Variants in LINGO2 observed in about 807,000 individuals in gnomAD.
LINGO2 encodes leucine-rich repeat and immunoglobulin-like domain-containing nogo receptor-interacting protein 2.
LINGO2 carries 14 observed loss-of-function variants against 30.6 expected under a neutral mutation model. The observed-to-expected ratio is 0.46, with a 90% CI of 0.30 to 0.72. LINGO2 has a LOEUF of 0.72. Ranked by LOEUF, LINGO2 falls within the 30% of genes least tolerant of loss-of-function variation. LINGO2 has a pLI of 0.07. For missense variants in LINGO2, 729 were observed against 751.7 expected (o/e 0.97, Z 0.35); for synonymous variants, 317 against 288.5 (o/e 1.10, Z -1.00).
At chr9:28,104,026 C>A (rs1826495714) in intron 4 of LINGO2, among the ~76,000 whole-genome samples, 1 of 151,838 alleles carries the variant, frequency 6.6e-6, no homozygotes, top group South Asian at 2.1e-4. Context: ...CCTCTTTTTT[C>A]TATTACCTAT....
chr9:28,633,326 C>T (rs1827091345), intron 1 of LINGO2, among the ~76,000 whole-genome samples: 2 of 151,974 alleles, frequency 1.3e-5, no homozygotes, highest in South Asian at 2.1e-4. Context: ...GAGAAGCTGC[C>T]TTTATTCCAG....
At chr9:28,800,326 A>G in the LINGO2 span, among the ~76,000 whole-genome samples, 1 of 152,098 alleles carries the variant, frequency 6.6e-6, no homozygotes, top group African/African-American at 2.4e-5. Context: ...ATGGCCTACC[A>G]GAAATCACCA....
chr9:28,977,374 T>C, the LINGO2 span, among the ~76,000 whole-genome samples: 6 of 152,278 alleles, frequency 3.9e-5, no homozygotes, highest in South Asian at 1.2e-3. Flanking sequence ...TATTGCTTCA[T>C]AATCCATAGG....
Position 28,235,387 on chromosome 9 carries a change from G to A in LINGO2, c.-87+59821C>T, listed in dbSNP as rs183046639. On this transcript the variant is annotated intron_variant, in intron 4 of 5. Transcript: ENST00000379992. ...GGAAGGACATATGCAAACAAGCCCA[G>A]ACTATAAAGACTATAGTAAATACCT... is the stretch of plus-strand genomic sequence containing the variant. 6.6e-5 allele frequency among the ~76,000 whole-genome samples: 10 copies of A among 152,218 alleles called. No individual in the cohort carries two copies. In the East Asian group the frequency reaches 1.4e-3, roughly 21 times the overall value.
chr9:28,368,594 CTT>C (rs60310040), intron 3 of LINGO2, among the ~76,000 whole-genome samples: 31,832 of 123,198 alleles, frequency 0.26, 2,775 homozygotes, highest in African/African-American at 0.3. Context: ...CTTTTCTTTT[CTT>C]TTTTTTTTTT....
chr9:28,249,693 C>T (rs67112157), intron 4 of LINGO2, among the ~76,000 whole-genome samples: 18,717 of 152,028 alleles, frequency 0.12, 1,503 homozygotes, highest in South Asian at 0.2. Context: ...CTTAATGAGA[C>T]GGCAAGCATG....
intron 4 of LINGO2, among the ~76,000 whole-genome samples, chr9:28,156,874 G>C (rs536203822): frequency 1.4e-4 from 21 of 152,316 alleles, no homozygotes; most frequent in African/African-American, 4.6e-4. Context: ...TTTATATCCA[G>C]GTCATGCTGA....
chr9:28,860,884 T>C, the LINGO2 span, among the ~76,000 whole-genome samples: 1 of 145,256 alleles, frequency 6.9e-6, no homozygotes, highest in Non-Finnish European at 1.5e-5. Context: ...CTTGTGGTCA[T>C]AGCATTGAAG....
chr9:28,833,021 T>C, the LINGO2 span, among the ~76,000 whole-genome samples: 1 of 152,242 alleles, frequency 6.6e-6, no homozygotes, highest in South Asian at 2.1e-4. Flanking sequence ...GGTCTTTAAG[T>C]GTGAACAGTT....
At chr9:29,042,540 A>T in the LINGO2 span, among the ~76,000 whole-genome samples, 7 of 151,850 alleles carry the variant, frequency 4.6e-5, no homozygotes, top group African/African-American at 1.5e-4. Context: ...AAGAAACACA[A>T]TTTTTTTCAT....
exon 6 of LINGO2, chr9:27,949,749 T>A: frequency 6.2e-7 from 1 of 1,614,120 alleles, no homozygotes; most frequent in Admixed American, 1.7e-5. Flanking sequence ...GGTGCGAAGC[T>A]GGGCCCCCAC....
chr9:29,074,918 C>T, the LINGO2 span, among the ~76,000 whole-genome samples: 273 of 151,834 alleles, frequency 1.8e-3, 1 homozygote, highest in African/African-American at 6.2e-3. Context: ...CCTCGTGATC[C>T]GCCCGCCTCG....
At chr9:28,801,735 T>C in the LINGO2 span, among the ~76,000 whole-genome samples, 16 of 152,180 alleles carry the variant, frequency 1.1e-4, no homozygotes, top group Middle Eastern at 3.4e-3. Context: ...AAAACTGTGA[T>C]ACACTGGAGG....
At chr9:28,189,593 AAGGAAGGGAGGAAGGAAGGGAGGGAGGG>A (rs1587178312) in intron 4 of LINGO2, among the ~76,000 whole-genome samples, 1 of 4,608 alleles carries the variant, frequency 2.2e-4, no homozygotes, top group Non-Finnish European at 5.2e-4. Flanking sequence ...GGGAGGAAGG[AAGGAAGGGAGGAAGGAAGGGAGGGAGGG>A]AGGAAGGGAG....
the LINGO2 span, among the ~76,000 whole-genome samples, chr9:28,721,064 A>T: frequency 6.6e-6 from 1 of 152,062 alleles, no homozygotes; most frequent in Non-Finnish European, 1.5e-5. Flanking sequence ...AAACATATAT[A>T]AAAAAAGCTC....
At chr9:29,182,845 T>G in the LINGO2 span, among the ~76,000 whole-genome samples, 1 of 152,074 alleles carries the variant, frequency 6.6e-6, no homozygotes. Context: ...TTTAAATCAT[T>G]CCTTCAAGGA....
intron 2 of LINGO2, among the ~76,000 whole-genome samples, chr9:28,439,237 CTA>C (rs1235798211): frequency 6.7e-6 from 1 of 150,214 alleles, no homozygotes; most frequent in Non-Finnish European, 1.5e-5. Context: ...TATATTCATA[CTA>C]TATATGTGTG....
At chr9:28,664,477 T>C (rs1204915252) in intron 1 of LINGO2, among the ~76,000 whole-genome samples, 1 of 151,950 alleles carries the variant, frequency 6.6e-6, no homozygotes, top group East Asian at 1.9e-4. Context: ...AAGGGAAAAA[T>C]AGTCAGAGAG....
chr9:28,466,783 G>C (rs1359848643), intron 2 of LINGO2, among the ~76,000 whole-genome samples: 1 of 152,046 alleles, frequency 6.6e-6, no homozygotes, highest in Admixed American at 6.6e-5. Context: ...TTCACTAAAA[G>C]TGTGACTTTA....
Sources: allele counts gnomAD v4.1 joint callset (sites outside exome capture counted in the v4.1 genomes callset), GRCh38; gene constraint gnomAD v4.1.1; transcripts MANE v1.5; gene names NCBI Gene and HGNC (gene_info 2026-07-23, HGNC 2026-07-21).